Variants in METTL2A observed in about 807,000 individuals in gnomAD.
The protein encoded by METTL2A is methyltransferase 2A, tRNA N3-cytidine.
METTL2A carries 45 observed loss-of-function variants against 49.4 expected under a neutral mutation model. The observed-to-expected ratio is 0.91, with a 90% confidence interval of 0.72 to 1.17. The LOEUF is 1.17. METTL2A is among the 50% of genes most tolerant of loss of function. The pLI, the probability that METTL2A is intolerant of heterozygous loss-of-function variation, is 0.00. For synonymous variants in METTL2A, 118 were observed against 167.5 expected (o/e 0.70, Z 2.28); for missense variants, 361 against 462.2 (o/e 0.78, Z 2.01).
At chr17:62,436,848 T>G (rs1377161052) in intron 5 of METTL2A, among the ~76,000 whole-genome samples, 1 of 152,190 alleles carries the variant, frequency 6.6e-6, no homozygotes, top group Non-Finnish European at 1.5e-5. Context: ...ACAGTAGAGC[T>G]TCTTTCAAAT....
chr17:62,452,385 G>A lies in METTL2A; in HGVS notation c.*3656G>A, dbSNP rs2070810921. Among the ~76,000 whole-genome samples the A allele has an allele frequency of 6.6e-6, 1 of 152,192 alleles. No individual in the cohort carries two copies. The highest frequency in any genetic ancestry group is 6.5e-5 in the Admixed American group (1 of 15,268). Reference sequence around the variant, plus strand: ...GGTTCTGCCACTGTAAAGTTAATAAGTATTTTGTAGGGAAGTGCTTTGAGA... The same window carrying A: ...GGTTCTGCCACTGTAAAGTTAATAAATATTTTGTAGGGAAGTGCTTTGAGA... On this transcript the variant is annotated 3_prime_UTR_variant, in exon 9 of 9. Coordinates refer to ENST00000311506, the MANE Select transcript of METTL2A (RefSeq NM_181725.4).
chr17:62,449,219 TA>T lies in METTL2A; in HGVS notation c.*493del. 3.5e-6 allele frequency: 1 copy of T among 282,416 alleles called. No homozygotes were observed. Among genetic ancestry groups the T allele is most frequent in the Middle Eastern group, 1.3e-3 (1 of 760 alleles). 17.5% of individuals were successfully genotyped at this position (282,416 alleles called of 1,614,324 possible). ...AAGTGTTTTTTGACTGTAATTGCGT[TA>T]AATCTTTTGAGAATGTAAATGCCGG... On this transcript the variant is annotated 3_prime_UTR_variant, in exon 9 of 9. Coordinates refer to ENST00000311506, the MANE Select transcript of METTL2A (RefSeq NM_181725.4).
At chr17:62,436,120 G>A (rs2070698745) in intron 5 of METTL2A, among the ~76,000 whole-genome samples, 1 of 152,084 alleles carries the variant, frequency 6.6e-6, no homozygotes, top group Non-Finnish European at 1.5e-5. Context: ...GCGCATACCT[G>A]TAATTTCAGC....
intron 4 of METTL2A, 174 bp from the exon 5 acceptor site, chr17:62,435,058 A>T: frequency 1.1e-6 from 1 of 941,816 alleles, no homozygotes; most frequent in Non-Finnish European, 1.6e-6. Flanking sequence ...CTCCAAAAGG[A>T]TATAATTCAA....
rs1041867911 is a variant in METTL2A at position 62,446,163 on chromosome 17, T to C, written c.916+1220T>C. Among the ~76,000 whole-genome samples the C allele has an allele frequency of 6.6e-5, 10 of 152,024 alleles. 1 individual carries two copies. In the South Asian group the frequency reaches 8.3e-4, roughly 13 times the overall value. On this transcript the variant is annotated intron_variant, in intron 7 of 8. Transcript: ENST00000311506. ...GTAGAAAAAGAAATTGTTACAGCCT[T>C]TTTTTTTGAGATGGAGTTTTGCCGT...
rs996258027 is a variant in METTL2A at position 62,452,009 on chromosome 17, G to A, written c.*3280G>A. On this transcript the variant is annotated 3_prime_UTR_variant, in exon 9 of 9. Coordinates refer to ENST00000311506, the MANE Select transcript of METTL2A (RefSeq NM_181725.4). Reference sequence around the variant, plus strand: ...TGGGAGGCGGAGGTTGCGGTGAGCCGAGATCGCGCCATTGCACTCCAGCCT... The same window carrying A: ...TGGGAGGCGGAGGTTGCGGTGAGCCAAGATCGCGCCATTGCACTCCAGCCT... 1.1e-4 allele frequency among the ~76,000 whole-genome samples: 17 copies of A among 152,156 alleles called. No homozygotes were observed. The highest frequency in any genetic ancestry group is 3.9e-4 in the African/African-American group (16 of 41,438).
At chr17:62,431,864 G>A (rs9915708) in intron 4 of METTL2A, among the ~76,000 whole-genome samples, 2,116 of 152,202 alleles carry the variant, frequency 0.014, 37 homozygotes, top group African/African-American at 0.047. Flanking sequence ...GGGATTACAG[G>A]CGCCCGCCAC....
Position 62,440,004 on chromosome 17 carries a change from T to C in METTL2A, c.670-613T>C, listed in dbSNP as rs548004954. The stretch of plus-strand genomic sequence containing the variant: ...TATTAGATTGATGCAAAAGTAATTG[T>C]CGTTTTTGCCGTTACTTTTTTTTTT... On this transcript the variant is annotated intron_variant, in intron 5 of 8. Transcript: ENST00000311506. Among the ~76,000 whole-genome samples the C allele has an allele frequency of 5.9e-5, 9 of 151,710 alleles. No individual in the cohort carries two copies. The South Asian group carries it at 1.9e-3, about 31-fold the overall frequency.
chr17:62,452,623 G>T lies in METTL2A; in HGVS notation c.*3894G>T, dbSNP rs1423231369. ...CATGGGTATTTGAGTTTCTTGTGGG[G>T]TTATTTGTTGTTGTTTTTGAGACAG... On this transcript the variant is annotated 3_prime_UTR_variant, in exon 9 of 9. Coordinates refer to ENST00000311506, the MANE Select transcript of METTL2A (RefSeq NM_181725.4). 6.6e-6 allele frequency among the ~76,000 whole-genome samples: 1 copy of T among 152,022 alleles called. No individual in the cohort carries two copies. The highest frequency in any genetic ancestry group is 1.5e-5 in the Non-Finnish European group (1 of 68,014).
At chr17:62,448,311 A>C (rs2070782182) in intron 8 of METTL2A, among the ~76,000 whole-genome samples, 1 of 152,144 alleles carries the variant, frequency 6.6e-6, no homozygotes, top group Non-Finnish European at 1.5e-5. Flanking sequence ...ATTTTTGCAT[A>C]AATTTTAAGG....
chr17:62,443,199 C>T (rs1014210763), intron 6 of METTL2A, among the ~76,000 whole-genome samples: 1 of 152,088 alleles, frequency 6.6e-6, no homozygotes, highest in African/African-American at 2.4e-5. Flanking sequence ...AAAGCAGGAC[C>T]GTTATCTCTA....
chr17:62,447,639 T>G, intron 7 of METTL2A, 62 bp from the exon 8 acceptor site: 1 of 1,590,216 alleles, frequency 6.3e-7, no homozygotes, highest in Non-Finnish European at 8.6e-7. Context: ...TAACATTCCT[T>G]AGCAATGCGA....
Position 62,448,539 on chromosome 17 carries a change from G to A in METTL2A, c.983-36G>A, listed in dbSNP as rs1598038972. On this transcript the variant is annotated intron_variant, in intron 8 of 8. Coordinates refer to ENST00000311506, the MANE Select transcript of METTL2A (RefSeq NM_181725.4). Reference sequence around the variant, plus strand: ...AGATAAAAATGCCTTTTCTTGAGGGGAAAAATGCATAAACATCTTTTATTT... The same window carrying A: ...AGATAAAAATGCCTTTTCTTGAGGGAAAAAATGCATAAACATCTTTTATTT... 4 of 1,606,714 alleles carry A rather than the reference G, an allele frequency of 2.5e-6. No homozygotes were observed. The South Asian group carries it at 4.4e-5, about 18-fold the overall frequency.
Position 62,423,977 on chromosome 17 carries a change from G to A in METTL2A, c.75G>A (p.Leu25=), listed in dbSNP as rs1312160446. Residue 25 remains leucine, a synonymous_variant, in exon 1 of 9, where the codon CTG becomes CTA. Coordinates refer to ENST00000311506, the MANE Select transcript of METTL2A (RefSeq NM_181725.4). The part of the protein sequence containing the change: ...DKRQQFGSRF[L]RDPARVFHHN... ...GGCAGCAGTTCGGAAGCCGGTTCCT[G>A]AGAGATCCGGCGCGCGTCTTCCACC... 30 of 1,613,892 alleles carry A rather than the reference G, an allele frequency of 1.9e-5. No individual in the cohort carries two copies. Among genetic ancestry groups the A allele is most frequent in the Non-Finnish European group, 2.0e-5 (24 of 1,180,018 alleles).
chr17:62,440,830 G>A, intron 6 of METTL2A, 74 bp downstream of exon 6: 3 of 1,552,600 alleles, frequency 1.9e-6, no homozygotes, highest in Non-Finnish European at 2.6e-6. Flanking sequence ...TTTAAAATAG[G>A]TTCTTGCTCT....
intron 8 of METTL2A, 30 bp from the exon 9 acceptor site, chr17:62,448,545 T>G (rs368607654): frequency 2.5e-6 from 4 of 1,607,700 alleles, no homozygotes; most frequent in Non-Finnish European, 1.7e-6. Flanking sequence ...AGGGGAAAAA[T>G]GCATAAACAT....
chr17:62,426,742 A>G (rs1460705320), intron 3 of METTL2A, 88 bp downstream of exon 3: 1 of 945,322 alleles, frequency 1.1e-6, no homozygotes, highest in African/African-American at 1.6e-5. Flanking sequence ...CAACAAAAGT[A>G]ACTTCTATTG....
intron 5 of METTL2A, among the ~76,000 whole-genome samples, chr17:62,436,205 T>C (rs915371148): frequency 6.6e-6 from 1 of 152,132 alleles, no homozygotes; most frequent in African/African-American, 2.4e-5. Flanking sequence ...ATCGCGCCAC[T>C]GCACTCCAGC....
At chr17:62,434,991 T>C (rs2070690943) in intron 4 of METTL2A, 2 of 504,094 alleles carry the variant, frequency 4.0e-6, no homozygotes, top group Non-Finnish European at 6.9e-6. Context: ...AGAGAAGACA[T>C]TGATTTGAAA....
Sources: allele counts gnomAD v4.1 joint callset (sites outside exome capture counted in the v4.1 genomes callset), GRCh38; gene constraint gnomAD v4.1.1; transcripts MANE v1.5; gene names NCBI Gene and HGNC (gene_info 2026-07-23, HGNC 2026-07-21).